Variants in ASB3 observed in about 807,000 individuals in gnomAD.
The protein encoded by ASB3 is ankyrin repeat and SOCS box containing 3.
ASB3 carries 41 observed loss-of-function variants against 54.5 expected under a neutral mutation model. That is an observed-to-expected ratio of 0.75 (90% CI 0.59 to 0.98). The LOEUF (loss-of-function observed/expected upper bound fraction) is 0.98, where lower values mean the gene tolerates loss of function less well. Among genes scored for constraint, ASB3 ranks in the 50% least tolerant of loss-of-function variants. The probability of loss-of-function intolerance (pLI) is 0.00; values close to 1 mark genes in which losing one functional copy is unlikely to be tolerated. For synonymous variants in ASB3, 266 were observed against 221.2 expected (o/e 1.20, Z -1.80); for missense variants, 733 against 620.0 (o/e 1.18, Z -1.94).
At chr2:53,683,268 GATTGATCTGCAT>G (rs1379632713) in intron 9 of ASB3, among the ~76,000 whole-genome samples, 1 of 152,170 alleles carries the variant, frequency 6.6e-6, no homozygotes, top group Non-Finnish European at 1.5e-5. Context: ...GTACCACACT[GATTGATCTGCAT>G]ATGTTGAACC....
intron 7 of ASB3, among the ~76,000 whole-genome samples, chr2:53,703,656 G>C (rs147968583): frequency 1.3e-5 from 2 of 152,126 alleles, no homozygotes; most frequent in African/African-American, 4.8e-5. Context: ...ATCACCTTTT[G>C]GTGTTAATTG....
intron 2 of ASB3, among the ~76,000 whole-genome samples, chr2:53,751,213 C>T (rs1302057199): frequency 6.6e-6 from 1 of 152,128 alleles, no homozygotes; most frequent in Non-Finnish European, 1.5e-5. Flanking sequence ...AGAGGAGTGG[C>T]AGAAATTGAA....
chr2:53,711,011 TC>T (rs1292531065), intron 7 of ASB3, among the ~76,000 whole-genome samples: 26 of 151,942 alleles, frequency 1.7e-4, no homozygotes, highest in African/African-American at 6.0e-4. Flanking sequence ...ACAACCGTAG[TC>T]CCAGCTACTC....
chr2:53,729,809 G>C (rs1671200898), intron 3 of ASB3, among the ~76,000 whole-genome samples: 1 of 152,128 alleles, frequency 6.6e-6, no homozygotes, highest in African/African-American at 2.4e-5. Flanking sequence ...GAACCAAGAA[G>C]CAAACATTTA....
At chr2:53,768,146 G>T in intron 1 of ASB3, 2 of 1,127,634 alleles carry the variant, frequency 1.8e-6, no homozygotes, top group Non-Finnish European at 1.2e-6. Context: ...ACATGGCTTG[G>T]GGTAACATTT....
At chr2:53,747,998 C>T (rs1007983043) in intron 3 of ASB3, among the ~76,000 whole-genome samples, 3 of 152,216 alleles carry the variant, frequency 2.0e-5, no homozygotes, top group Non-Finnish European at 2.9e-5. Flanking sequence ...AAAACACAGA[C>T]AACAGCAAGA....
chr2:53,782,299 G>C (rs1459488853), intron 1 of ASB3, among the ~76,000 whole-genome samples: 1 of 152,196 alleles, frequency 6.6e-6, no homozygotes, highest in Non-Finnish European at 1.5e-5. Flanking sequence ...CATTCTGGAA[G>C]AGAAAGCAGG....
intron 3 of ASB3, among the ~76,000 whole-genome samples, chr2:53,738,571 T>G (rs1671768276): frequency 6.6e-6 from 1 of 152,200 alleles, no homozygotes; most frequent in African/African-American, 2.4e-5. Flanking sequence ...CCAAGTTCTA[T>G]TGGGTAGGAC....
chr2:53,712,769 G>GGCGC (rs762941607), intron 7 of ASB3, among the ~76,000 whole-genome samples: 1 of 147,382 alleles, frequency 6.8e-6, no homozygotes, highest in Non-Finnish European at 1.5e-5. Context: ...CACACACACA[G>GGCGC]GCGCGCGCGC....
rs564853880 is a variant in ASB3 at position 53,786,052 on chromosome 2, G to A, written c.-14+769C>T. On this transcript the variant is annotated intron_variant, in intron 1 of 9. Coordinates refer to ENST00000263634, the MANE Select transcript of ASB3 (RefSeq NM_016115.5). The stretch of plus-strand genomic sequence containing the variant: ...GGTTCAAATCTGAGGAAGTGGGGGC[G>A]ACCAGTCTTTAACAGATCTAGCAAG... 1.8e-4 allele frequency among the ~76,000 whole-genome samples: 27 copies of A among 152,248 alleles called. No individual in the cohort carries two copies. In the South Asian group the frequency reaches 5.0e-3, roughly 28 times the overall value.
chr2:53,765,673 G>C (rs1453236228), intron 1 of ASB3, 88 bp from the exon 2 acceptor site: 1 of 1,484,370 alleles, frequency 6.7e-7, no homozygotes, highest in Non-Finnish European at 9.2e-7. Flanking sequence ...GGCCTGTCTA[G>C]TATCTCTCAC....
At chr2:53,779,614 T>C (rs1674536398) in intron 1 of ASB3, among the ~76,000 whole-genome samples, 1 of 152,130 alleles carries the variant, frequency 6.6e-6, no homozygotes, top group Non-Finnish European at 1.5e-5. Context: ...TTTTTGCATT[T>C]TTTGTAGAGA....
chr2:53,722,178 A>AT (rs1670751212), intron 5 of ASB3, among the ~76,000 whole-genome samples: 2 of 147,076 alleles, frequency 1.4e-5, no homozygotes, highest in South Asian at 2.1e-4. Context: ...ATCCATAATA[A>AT]AAAAAAAAAA....
At chr2:53,724,745 T>C (rs542251019) in intron 5 of ASB3, among the ~76,000 whole-genome samples, 2 of 152,116 alleles carry the variant, frequency 1.3e-5, no homozygotes, top group South Asian at 2.1e-4. Context: ...TATAATCTTA[T>C]ACCACTCAGA....
At chr2:53,760,708 T>A (rs186397216) in intron 2 of ASB3, among the ~76,000 whole-genome samples, 19 of 152,312 alleles carry the variant, frequency 1.2e-4, no homozygotes, top group Admixed American at 1.1e-3. Context: ...CAAATCATTA[T>A]TTACTAGACC....
intron 8 of ASB3, among the ~76,000 whole-genome samples, chr2:53,694,856 C>T (rs1428798476): frequency 6.6e-6 from 1 of 152,100 alleles, no homozygotes; most frequent in Non-Finnish European, 1.5e-5. Flanking sequence ...ACATAGTAAA[C>T]ATACTTTTAA....
chr2:53,769,522 G>A (rs977312198), intron 1 of ASB3, among the ~76,000 whole-genome samples: 3 of 152,152 alleles, frequency 2.0e-5, no homozygotes, highest in African/African-American at 7.2e-5. Flanking sequence ...AAATTGCCTA[G>A]TCAACACAAC....
At chr2:53,747,274 A>G (rs979624578) in intron 3 of ASB3, among the ~76,000 whole-genome samples, 1 of 152,204 alleles carries the variant, frequency 6.6e-6, no homozygotes, top group African/African-American at 2.4e-5. Context: ...AGCTGGGCAC[A>G]GTGGCTCATG....
intron 9 of ASB3, among the ~76,000 whole-genome samples, chr2:53,675,550 A>G (rs568440020): frequency 6.6e-6 from 1 of 152,286 alleles, no homozygotes; most frequent in South Asian, 2.1e-4. Context: ...TAAGGTCTAA[A>G]TGGGAGAAGT....
Sources: gnomAD v4.1 joint callset for allele counts (sites outside exome capture counted in the v4.1 genomes callset) on GRCh38, gnomAD v4.1.1 for gene constraint, MANE v1.5 for transcripts, NCBI Gene and HGNC (gene_info 2026-07-23, HGNC 2026-07-21) for gene names.